The following CPT1C variants were observed in gnomAD, a reference collection of about 807,000 sequenced individuals.
CPT1C encodes the protein carnitine palmitoyltransferase 1C.
Under a neutral mutation model 97.3 loss-of-function variants are expected in CPT1C, and 61 were observed. The observed-to-expected ratio is 0.63, with a 90% confidence interval of 0.51 to 0.78. CPT1C has a LOEUF of 0.78. Ranked by LOEUF, CPT1C falls within the 30% of genes least tolerant of loss-of-function variation. CPT1C has a pLI of 0.00. For missense variants in CPT1C, 975 were observed against 1,065.5 expected (o/e 0.92, Z 1.18); for synonymous variants, 469 against 447.2 (o/e 1.05, Z -0.61).
intron 4 of CPT1C, among the ~76,000 whole-genome samples, chr19:49,699,779 A>C (rs2082891777): frequency 6.6e-6 from 1 of 151,830 alleles, no homozygotes; most frequent in Non-Finnish European, 1.5e-5. Context: ...ATGTGGTGAA[A>C]CCCTCTCTAC....
At chr19:49,701,208 T>A in intron 5 of CPT1C, 109 bp from the exon 6 acceptor site, 1 of 886,154 alleles carries the variant, frequency 1.1e-6, no homozygotes, top group East Asian at 2.6e-5. Context: ...CCGATGCTCT[T>A]AAGTCTCTGT....
intron 14 of CPT1C, among the ~76,000 whole-genome samples, chr19:49,709,048 C>T (rs767262799): frequency 6.6e-5 from 10 of 151,762 alleles, no homozygotes; most frequent in Non-Finnish European, 1.5e-4. Flanking sequence ...CAACTCCAAC[C>T]GTCCTCCCAC....
At chr19:49,702,554 A>C (rs1005026840) in intron 7 of CPT1C, among the ~76,000 whole-genome samples, 1 of 150,720 alleles carries the variant, frequency 6.6e-6, no homozygotes, top group East Asian at 2.0e-4. Context: ...CAGGAGGCAG[A>C]GGTGGCACTG....
At chr19:49,703,166 T>C (rs2083285603) in intron 7 of CPT1C, among the ~76,000 whole-genome samples, 1 of 133,784 alleles carries the variant, frequency 7.5e-6, no homozygotes, top group African/African-American at 2.8e-5. Context: ...CCTGCCTGCC[T>C]GCCTGCCTTC....
chr19:49,698,536 G>A lies in CPT1C; in HGVS notation c.281+1071G>A, dbSNP rs556884780. On this transcript the variant is annotated intron_variant, in intron 4 of 19. Transcript: ENST00000598293. The stretch of plus-strand genomic sequence containing the variant: ...AAATTAGCCGGGTGTGGTGGTGCGC[G>A]CCTGTAGTCCCAGCTACTCAGGAGG... Among the ~76,000 whole-genome samples the A allele has an allele frequency of 8.2e-4, 125 of 151,680 alleles. 1 individual carries two copies. Among genetic ancestry groups the A allele is most frequent in the South Asian group, 1.5e-3 (7 of 4,800 alleles).
chr19:49,700,717 G>A lies in CPT1C; in HGVS notation c.315G>A (p.Leu105=), dbSNP rs1278623205. The A allele has an allele frequency of 6.2e-7, 1 of 1,611,334 alleles. No individual in the cohort carries two copies. The highest frequency in any genetic ancestry group is 1.7e-5 in the Admixed American group (1 of 60,026). Residue 105 remains leucine (L), a synonymous_variant, in exon 5 of 20, where the codon CTG becomes CTA. Transcript: ENST00000598293. ...GGQHHGLRGV[L]AAALFASCLW... ...AACACCACGGGCTCCGGGGGGTCCT[G>A]GCAGCCGCGCTGTTTGCCTCGTGTT...
rs1028204630 is a variant in CPT1C, at chr19:49,706,555, C to G, written c.1343+142C>G. On this transcript the variant is annotated intron_variant, in intron 12 of 19. Coordinates refer to ENST00000598293, the MANE Select transcript of CPT1C (RefSeq NM_001199753.2). The surrounding 1 kb of genome is among the most constrained non-coding windows in gnomAD (Gnocchi z 4.8). ...ACCAGGGGCTGCATAGAGCTGAGGA[C>G]CCCAGACCCAGTGCTTTGGGACCTG... is the stretch of plus-strand genomic sequence containing the variant. The G allele has an allele frequency of 4.8e-5, 34 of 703,472 alleles. No homozygotes were observed. The highest frequency in any genetic ancestry group is 1.7e-4 in the Admixed American group (4 of 23,320). The allele number at this position is 703,472 out of a possible 1,614,324, so 43.6% of individuals were successfully genotyped here.
In CPT1C at chr19:49,712,816, G is replaced by A. The variant is rs2056398646; in HGVS notation, c.2100G>A (p.Pro700=). The change falls in exon 18 of 20, where the codon CCG becomes CCA. Residue 700 remains proline (P), a synonymous_variant. Transcript: ENST00000598293. Reference sequence around the variant, plus strand: ...ATCTGTTTGACGTCCACAATTACCCGGACTATGTTTCCTCAGGCGGTGGAT... The same window carrying A: ...ATCTGTTTGACGTCCACAATTACCCAGACTATGTTTCCTCAGGCGGTGGAT... The part of the protein sequence containing the change: ...QMHLFDVHNY[P]DYVSSGGGFG... 10 of 1,613,572 alleles carry A rather than the reference G, an allele frequency of 6.2e-6. No homozygotes were observed. Among genetic ancestry groups the A allele is most frequent in the Non-Finnish European group, 7.6e-6 (9 of 1,179,920 alleles).
At chr19:49,699,396 G>C (rs1221974444) in intron 4 of CPT1C, among the ~76,000 whole-genome samples, 3 of 141,788 alleles carry the variant, frequency 2.1e-5, no homozygotes, top group Non-Finnish European at 4.5e-5. Flanking sequence ...GGAGGGCTGA[G>C]GCAGGAGGCT....
intron 15 of CPT1C, 55 bp from the exon 16 acceptor site, chr19:49,710,668 T>G: frequency 6.3e-7 from 1 of 1,593,648 alleles, no homozygotes; most frequent in Non-Finnish European, 8.6e-7. Flanking sequence ...AGGTCAAGTC[T>G]GTAAGATCTC....
chr19:49,698,842 C>T (rs1400735940), intron 4 of CPT1C, among the ~76,000 whole-genome samples: 1 of 152,036 alleles, frequency 6.6e-6, no homozygotes, highest in African/African-American at 2.4e-5. Flanking sequence ...GTGACTCACA[C>T]CTGTAATCCC....
In CPT1C at chr19:49,701,358, C is replaced by CA. The variant is rs2083040469; in HGVS notation, c.496dup (p.Ser166LysfsTer69). The stretch of plus-strand genomic sequence containing the variant: ...TCTCTGGCCGCCACCCGATGCTGTT[C>CA]AGTTACCAGCGCTCCCTGCCACGCC... On this transcript the variant is annotated frameshift_variant, in exon 6 of 20. Coordinates refer to ENST00000598293, the MANE Select transcript of CPT1C (RefSeq NM_001199753.2). LOFTEE classifies it high-confidence loss of function. 6.2e-7 allele frequency: 1 copy of CA among 1,613,652 alleles called. No individual in the cohort carries two copies.
At chr19:49,704,185 G>T (rs926460166) in intron 7 of CPT1C, among the ~76,000 whole-genome samples, 2 of 151,034 alleles carry the variant, frequency 1.3e-5, no homozygotes, top group African/African-American at 4.9e-5. Flanking sequence ...TTTCTTTTTT[G>T]GGGGGGACGG....
At chr19:49,702,118 T>TTATAAATTATAAATATATATA (rs1157297240) in intron 7 of CPT1C, among the ~76,000 whole-genome samples, 2 of 119,172 alleles carry the variant, frequency 1.7e-5, no homozygotes, top group South Asian at 2.5e-4. Context: ...ATATATTTAT[T>TTATAAATTATAAATATATATA]TATTTATAAA....
intron 4 of CPT1C, among the ~76,000 whole-genome samples, chr19:49,699,516 C>T (rs1478789897): frequency 6.7e-6 from 1 of 148,708 alleles, no homozygotes; most frequent in Non-Finnish European, 1.5e-5. Context: ...GATTTACCCC[C>T]AGTCTACAGA....
intron 19 of CPT1C, 32 bp from the exon 20 acceptor site, chr19:49,713,388 C>A: frequency 6.4e-7 from 1 of 1,573,428 alleles, no homozygotes. Context: ...CATCTCCCAG[C>A]TTCCCCTGGC....
At chr19:49,694,500 G>C (rs750068506) in intron 3 of CPT1C, among the ~76,000 whole-genome samples, 2 of 151,700 alleles carry the variant, frequency 1.3e-5, no homozygotes, top group African/African-American at 4.8e-5. Context: ...GTGGTGGCAG[G>C]CACCTGTAAT....
At chr19:49,711,699 C>A in intron 16 of CPT1C, 110 bp from the exon 17 acceptor site, 1 of 1,145,772 alleles carries the variant, frequency 8.7e-7, no homozygotes, top group Non-Finnish European at 1.2e-6. Flanking sequence ...GGTTGATATT[C>A]CCACCTTGCA....
intron 14 of CPT1C, among the ~76,000 whole-genome samples, chr19:49,709,248 C>T (rs2083696468): frequency 1.3e-5 from 2 of 151,908 alleles, no homozygotes; most frequent in South Asian, 2.1e-4. Flanking sequence ...AAACCCTAAC[C>T]CCATACCCAA....
Sources: gnomAD v4.1 joint callset for allele counts (sites outside exome capture counted in the v4.1 genomes callset) on GRCh38, gnomAD v4.1.1 for gene constraint, Gnocchi (gnomAD v3.1) non-coding constraint, MANE v1.5 for transcripts, NCBI Gene and HGNC (gene_info 2026-07-23, HGNC 2026-07-21) for gene names.